The following HPGD variants were observed in gnomAD, a reference collection of about 807,000 sequenced individuals.
HPGD encodes 15-hydroxyprostaglandin dehydrogenase [NAD(+)].
HPGD carries 29 observed loss-of-function variants against 30.0 expected under a neutral mutation model. That is an observed-to-expected ratio of 0.97 (90% confidence interval 0.72 to 1.32). The LOEUF (loss-of-function observed/expected upper bound fraction) is 1.32. Among genes scored for constraint, HPGD ranks in the 40% most tolerant of loss-of-function variants. The pLI is 0.00. For synonymous variants in HPGD, 99 were observed against 112.4 expected, an observed-to-expected ratio of 0.88 and a Z score of 0.75; for missense variants, 340 against 322.1, an observed-to-expected ratio of 1.06 and a Z score of -0.43.
upstream of HPGD, chr4:174,522,501 CG>C: frequency 3.5e-6 from 5 of 1,443,138 alleles, no homozygotes; most frequent in Non-Finnish European, 4.6e-6. Context: ...CGTCTCCGCG[CG>C]GCCGCGGCTT....
At chr4:174,499,445 G>T (rs1288661467) in intron 4 of HPGD, among the ~76,000 whole-genome samples, 1 of 152,170 alleles carries the variant, frequency 6.6e-6, no homozygotes, top group Non-Finnish European at 1.5e-5. Flanking sequence ...ACATATCTCA[G>T]TTATTACCCA....
At chr4:174,515,356 C>G (rs181904308) in intron 3 of HPGD, among the ~76,000 whole-genome samples, 1 of 152,230 alleles carries the variant, frequency 6.6e-6, no homozygotes, top group Non-Finnish European at 1.5e-5. Flanking sequence ...AGAAATAAGG[C>G]TGTACACCTA....
At chr4:174,506,244 T>C (rs1201451895) in intron 4 of HPGD, among the ~76,000 whole-genome samples, 1 of 152,150 alleles carries the variant, frequency 6.6e-6, no homozygotes, top group East Asian at 1.9e-4. Context: ...TTTTTAGGAC[T>C]TTACTGGAAG....
intron 3 of HPGD, among the ~76,000 whole-genome samples, chr4:174,512,636 G>T (rs531449772): frequency 1.3e-5 from 2 of 152,238 alleles, no homozygotes; most frequent in East Asian, 3.9e-4. Flanking sequence ...TTAAATTATT[G>T]GTCAGATTCT....
At chr4:174,493,379 A>C in intron 5 of HPGD, 65 bp from the exon 6 acceptor site, 1 of 1,477,594 alleles carries the variant, frequency 6.8e-7, no homozygotes. Flanking sequence ...CAAACTGATC[A>C]TTAAAGCATC....
chr4:174,508,774 T>G lies in HPGD; in HGVS notation c.343A>C (p.Thr115Pro). ...CTCATGTAATCCAAACCAAGATAGG[T>G]TCCACTGATAACAGAAACCTAATCC... ...QINLVSVISGTYLGLDYMSKQ... is the reference protein window; with the variant it reads ...QINLVSVISGPYLGLDYMSKQ... Residue 115 changes from threonine (T) to proline (P), a missense_variant, in exon 4 of 7, where the codon ACC (threonine) becomes CCC (proline). Thr to Pro is a conservative substitution (Grantham distance 38). Transcript: ENST00000296522. 6.3e-7 allele frequency: 1 copy of G among 1,598,140 alleles called. No homozygotes were observed. Among genetic ancestry groups the G allele is most frequent in the Non-Finnish European group, 8.6e-7 (1 of 1,165,880 alleles).
chr4:174,514,743 G>C (rs1272515306), intron 3 of HPGD, among the ~76,000 whole-genome samples: 1 of 151,926 alleles, frequency 6.6e-6, no homozygotes, highest in African/African-American at 2.4e-5. Context: ...TTTGCAAACG[G>C]TATGATTCTA....
At chr4:174,503,169 A>G (rs1227489265) in intron 4 of HPGD, among the ~76,000 whole-genome samples, 1 of 152,114 alleles carries the variant, frequency 6.6e-6, no homozygotes, top group African/African-American at 2.4e-5. Context: ...AAACTATTTT[A>G]AGCCAAAAGA....
At chr4:174,515,182 A>G (rs1004389725) in intron 3 of HPGD, among the ~76,000 whole-genome samples, 3 of 152,198 alleles carry the variant, frequency 2.0e-5, no homozygotes, top group African/African-American at 4.8e-5. Flanking sequence ...ATTCATATGG[A>G]ATCCAAAAAG....
chr4:174,511,305 T>A (rs895130204), intron 3 of HPGD, among the ~76,000 whole-genome samples: 5 of 152,232 alleles, frequency 3.3e-5, no homozygotes, highest in Admixed American at 3.3e-4. Context: ...TGTTCCATTA[T>A]TGGAATACTA....
rs1342511741 is a variant in HPGD at position 174,516,739 on chromosome 4, T to C, written c.324+1232A>G. On this transcript the variant is annotated intron_variant, in intron 3 of 6. Transcript: ENST00000296522. Reference sequence around the variant, plus strand: ...CTGTCAAGTTTAGGGAGCAATTTTGTACTCTTCTCAAGGTAGGACTTACAG... The same window carrying C: ...CTGTCAAGTTTAGGGAGCAATTTTGCACTCTTCTCAAGGTAGGACTTACAG... 2.0e-5 allele frequency among the ~76,000 whole-genome samples: 3 copies of C among 152,230 alleles called. No homozygotes were observed. In the East Asian group the frequency reaches 5.8e-4, roughly 29 times the overall value.
At chr4:174,503,719 A>AT (rs60031997) in intron 4 of HPGD, among the ~76,000 whole-genome samples, 2,522 of 142,790 alleles carry the variant, frequency 0.018, 84 homozygotes, top group African/African-American at 0.057. Context: ...GGGTTTTTTG[A>AT]TTTTTTTTTT....
chr4:174,512,916 G>C (rs1735583175), intron 3 of HPGD, among the ~76,000 whole-genome samples: 1 of 152,144 alleles, frequency 6.6e-6, no homozygotes, highest in Non-Finnish European at 1.5e-5. Context: ...CATGATATTG[G>C]CACTTTCCAG....
chr4:174,505,650 T>G (rs1333713580), intron 4 of HPGD, among the ~76,000 whole-genome samples: 3 of 152,176 alleles, frequency 2.0e-5, no homozygotes, highest in Non-Finnish European at 2.9e-5. Context: ...CAATTCATTT[T>G]AAGACTTTGT....
At position 174,494,297 on chromosome 4, in the gene HPGD, T is replaced by C. The variant is rs1332455141; in HGVS notation, c.499-983A>G. On this transcript the variant is annotated intron_variant, in intron 5 of 6. Transcript: ENST00000296522. The surrounding 1 kb of genome is among the most constrained non-coding windows in gnomAD (Gnocchi z 4.9). ...TAAGGTTATGTATTGACTGGTTGAT[T>C]GGAGTTTTGTGACCAGAGGCTTTCA... Among the ~76,000 whole-genome samples the C allele has an allele frequency of 6.6e-6, 1 of 152,208 alleles. No individual in the cohort carries two copies.
rs1021889543 is a variant in HPGD at position 174,490,423 on chromosome 4, A to T, written c.*1533T>A. 1.3e-5 allele frequency: 2 copies of T among 152,386 alleles called. No homozygotes were observed. Among genetic ancestry groups the T allele is most frequent in the African/African-American group, 4.8e-5 (2 of 41,466 alleles). The allele number at this position is 152,386 out of a possible 1,614,324, so 9.4% of individuals were successfully genotyped here. ...AGGCTACTAGTCCAAAAAATTGTCC[A>T]TAAATGAAAAGGTTATACTATTTAC... On this transcript the variant is annotated 3_prime_UTR_variant, in exon 7 of 7. Coordinates refer to ENST00000296522, the MANE Select transcript of HPGD (RefSeq NM_000860.6). This position sits in a 1 kb window ranked among gnomAD's most constrained non-coding sequence, Gnocchi z 4.4.
upstream of HPGD, chr4:174,522,538 T>A: frequency 1.0e-6 from 1 of 969,214 alleles, no homozygotes; most frequent in Non-Finnish European, 1.4e-6. Flanking sequence ...CGCGCGCGCG[T>A]GCAGCCCGGC....
At chr4:174,511,198 T>C (rs1167721285) in intron 3 of HPGD, among the ~76,000 whole-genome samples, 1 of 137,698 alleles carries the variant, frequency 7.3e-6, no homozygotes, top group African/African-American at 2.6e-5. Flanking sequence ...AAATCTTTAG[T>C]CAATAAGTGC....
At chr4:174,502,879 G>T (rs973179957) in intron 4 of HPGD, among the ~76,000 whole-genome samples, 6 of 152,050 alleles carry the variant, frequency 3.9e-5, no homozygotes, top group African/African-American at 1.4e-4. Context: ...CCATCCCTAT[G>T]CATACTAGTG....
Sources: gnomAD v4.1 joint callset for allele counts (sites outside exome capture counted in the v4.1 genomes callset) on GRCh38, gnomAD v4.1.1 for gene constraint, Gnocchi (gnomAD v3.1) non-coding constraint, MANE v1.5 for transcripts, NCBI Gene and HGNC (gene_info 2026-07-23, HGNC 2026-07-21) for gene names.